KATNIP: variants seen among roughly 807,000 people sequenced by gnomAD.
KATNIP encodes katanin interacting protein.
In KATNIP, 126 loss-of-function variants were observed where a neutral mutation model predicts 174.0. The ratio of observed to expected loss-of-function variants is 0.72; its 90% CI spans 0.63 to 0.84. The LOEUF is 0.84. Among genes scored for constraint, KATNIP ranks in the 40% least tolerant of loss-of-function variants. The pLI is 0.00. For synonymous variants in KATNIP, 810 were observed against 835.7 expected (o/e 0.97, Z 0.53); for missense variants, 1,958 against 2,109.7 (o/e 0.93, Z 1.41).
At chr16:27,759,215 T>TG (rs2143984073) in intron 18 of KATNIP, among the ~76,000 whole-genome samples, 1 of 152,188 alleles carries the variant, frequency 6.6e-6, no homozygotes, top group East Asian at 1.9e-4. Flanking sequence ...TCCGTCTTAG[T>TG]GGGGGAGACT....
chr16:27,712,834 C>G (rs1184043935), intron 13 of KATNIP, among the ~76,000 whole-genome samples: 1 of 152,150 alleles, frequency 6.6e-6, no homozygotes, highest in African/African-American at 2.4e-5. Flanking sequence ...GAGACAGGGT[C>G]TTGCTCTGTT....
intron 3 of KATNIP, among the ~76,000 whole-genome samples, chr16:27,624,050 G>C (rs1457251430): frequency 1.3e-5 from 2 of 152,200 alleles, no homozygotes; most frequent in East Asian, 3.9e-4. Context: ...CAAAAGGATA[G>C]ACTGGGTTAA....
intron 21 of KATNIP, among the ~76,000 whole-genome samples, chr16:27,771,232 C>T (rs1166569409): frequency 6.6e-6 from 1 of 152,166 alleles, no homozygotes; most frequent in Non-Finnish European, 1.5e-5. Context: ...CTGCCACTAC[C>T]AGCTGCATGG....
chr16:27,699,669 G>A (rs1351404235), intron 10 of KATNIP, 70 bp downstream of exon 10: 41 of 1,604,820 alleles, frequency 2.6e-5, no homozygotes, highest in Non-Finnish European at 3.1e-5. Flanking sequence ...GCCAGGCAGA[G>A]ATGAATGACA....
chr16:27,672,223 G>A (rs189529557), intron 6 of KATNIP, among the ~76,000 whole-genome samples: 1 of 152,116 alleles, frequency 6.6e-6, no homozygotes, highest in East Asian at 1.9e-4. Context: ...GGGAACACAT[G>A]CCTTCCAGCC....
At chr16:27,728,094 T>A (rs1175776858) in intron 14 of KATNIP, among the ~76,000 whole-genome samples, 1 of 152,234 alleles carries the variant, frequency 6.6e-6, no homozygotes, top group Non-Finnish European at 1.5e-5. Flanking sequence ...GTCACCCGAG[T>A]CAGTGCGGCC....
At chr16:27,704,594 CA>C (rs1334830518) in intron 12 of KATNIP, among the ~76,000 whole-genome samples, 1 of 152,112 alleles carries the variant, frequency 6.6e-6, no homozygotes. Context: ...GTAGGGAAGA[CA>C]TTTTTTTTTA....
At chr16:27,653,968 G>T (rs1208994225) in intron 6 of KATNIP, among the ~76,000 whole-genome samples, 3 of 151,458 alleles carry the variant, frequency 2.0e-5, no homozygotes, top group Non-Finnish European at 4.4e-5. Flanking sequence ...ACCATGGCCA[G>T]CCCCATTTAC....
chr16:27,611,158 A>G (rs2075876833), intron 2 of KATNIP, among the ~76,000 whole-genome samples: 1 of 152,158 alleles, frequency 6.6e-6, no homozygotes. Context: ...ACTAAGACCT[A>G]TCTCAGCTAT....
chr16:27,656,186 G>T (rs533950810), intron 6 of KATNIP, among the ~76,000 whole-genome samples: 2 of 152,220 alleles, frequency 1.3e-5, no homozygotes, highest in South Asian at 4.1e-4. Flanking sequence ...AGCCCTTTGG[G>T]AGGCCGAGGT....
chr16:27,563,991 A>G (rs1231764683), intron 1 of KATNIP, among the ~76,000 whole-genome samples: 2 of 148,954 alleles, frequency 1.3e-5, no homozygotes, highest in African/African-American at 4.9e-5. Flanking sequence ...TGAGCCCAGT[A>G]GGTCGAGACT....
intron 14 of KATNIP, chr16:27,727,969 A>T (rs2080516797): frequency 6.6e-6 from 1 of 152,274 alleles, no homozygotes; most frequent in African/African-American, 2.4e-5. Flanking sequence ...CTTCATATTT[A>T]AACATTCCTA....
rs144933103 is a variant in KATNIP at position 27,765,030 on chromosome 16, G to A, written c.3810-1279G>A. 3.3e-3 allele frequency among the ~76,000 whole-genome samples: 508 copies of A among 152,076 alleles called. 4 individuals are homozygous for A. The highest frequency in any genetic ancestry group is 0.011 in the African/African-American group (454 of 41,464). On this transcript the variant is annotated intron_variant, in intron 19 of 27. Transcript: ENST00000261588. ...TTTAAAATGTAAAAGGAAACAAAAA[G>A]TTTCTTTTCAAATCTAGGAAATGTG...
In KATNIP at chr16:27,777,405, C is replaced by T. The variant is rs1364734071; in HGVS notation, c.4552-205C>T. ...CCTCGGGCCTCAATTTCCTCATCTG[C>T]AATGCATGCTGATAGCTCCTGCCTT... On this transcript the variant is annotated intron_variant, in intron 25 of 27. Transcript: ENST00000261588. This position sits in a 1 kb window ranked among gnomAD's most constrained non-coding sequence, Gnocchi z 4.4. 6.6e-6 allele frequency among the ~76,000 whole-genome samples: 1 copy of T among 152,226 alleles called. No individual in the cohort carries two copies. The highest frequency in any genetic ancestry group is 2.4e-5 in the African/African-American group (1 of 41,454).
intron 17 of KATNIP, 69 bp from the exon 18 acceptor site, chr16:27,754,104 C>A: frequency 7.7e-7 from 1 of 1,300,036 alleles, no homozygotes; most frequent in Non-Finnish European, 1.1e-6. Flanking sequence ...CAGAAACAGC[C>A]AGCCAGCTAG....
At position 27,639,020 on chromosome 16, in the gene KATNIP, A is replaced by G. The variant is rs572831613; in HGVS notation, c.408+7858A>G. 1.3e-4 allele frequency among the ~76,000 whole-genome samples: 19 copies of G among 151,968 alleles called. No homozygotes were observed. In the South Asian group the frequency reaches 2.7e-3, roughly 22 times the overall value. ...CACCCTGTTTCTACTGACCAAGCCC[A>G]ATCCATTCACCGCCTCCAGGAGAAC... On this transcript the variant is annotated intron_variant, in intron 5 of 27. Transcript: ENST00000261588.
chr16:27,780,100 A>T lies in KATNIP; in HGVS notation c.*1471A>T, dbSNP rs2082635173. On this transcript the variant is annotated 3_prime_UTR_variant, in exon 28 of 28. Coordinates refer to ENST00000261588, the MANE Select transcript of KATNIP (RefSeq NM_015202.5). ...GCCAGGGGGAGTCAGGGGTTGATCA[A>T]ACCAGCTCTTGTGACCCAAACCAGT... 1 of 152,144 alleles carries T rather than the reference A, an allele frequency of 6.6e-6. No homozygotes were observed. The highest frequency in any genetic ancestry group is 2.4e-5 in the African/African-American group (1 of 41,410). 9.4% of individuals were successfully genotyped at this position (152,144 alleles called of 1,614,324 possible).
chr16:27,769,869 T>C lies in KATNIP; in HGVS notation c.3984T>C (p.Ile1328=). Residue 1328 remains isoleucine (I), a synonymous_variant, in exon 21 of 28, where the codon ATT becomes ATC. Coordinates refer to ENST00000261588, the MANE Select transcript of KATNIP (RefSeq NM_015202.5). ...SPEDTYRGAK[I]VHVSLDGLCV... ...TTTCTTTTGTTTGCCAGGCCAAGAT[T>C]GTCCACGTCTCCCTGGATGGCCTGT... 6.2e-7 allele frequency: 1 copy of C among 1,613,888 alleles called. No individual in the cohort carries two copies. The highest frequency in any genetic ancestry group is 8.5e-7 in the Non-Finnish European group (1 of 1,179,748).
intron 13 of KATNIP, among the ~76,000 whole-genome samples, chr16:27,712,403 G>A (rs1405237033): frequency 1.3e-5 from 2 of 152,090 alleles, no homozygotes; most frequent in South Asian, 2.1e-4. Context: ...GCATCGCCTC[G>A]TTTAACCCTC....
Sources: gnomAD v4.1 joint callset for allele counts (sites outside exome capture counted in the v4.1 genomes callset) on GRCh38, gnomAD v4.1.1 for gene constraint, Gnocchi (gnomAD v3.1) non-coding constraint, MANE v1.5 for transcripts, NCBI Gene and HGNC (gene_info 2026-07-23, HGNC 2026-07-21) for gene names.